The following MSRA variants were observed in gnomAD, a reference collection of about 807,000 sequenced individuals.
MSRA encodes methionine sulfoxide reductase A, also known as mitochondrial peptide methionine sulfoxide reductase.
A neutral mutation model predicts 31.3 loss-of-function variants in MSRA; 54 were observed. The ratio of observed to expected loss-of-function variants is 1.73; its 90% CI spans 1.39 to 2.17. The LOEUF is 2.17. MSRA is among the 30% of genes most tolerant of loss of function. The probability of loss-of-function intolerance (pLI) is 0.00; values close to 1 mark genes in which losing one functional copy is unlikely to be tolerated. For synonymous variants in MSRA, 169 were observed against 116.5 expected, an observed-to-expected ratio of 1.45 and a Z score of -2.90; for missense variants, 507 against 300.9, an observed-to-expected ratio of 1.69 and a Z score of -5.07.
At chr8:10,317,127 T>A (rs1302907244) in intron 4 of MSRA, among the ~76,000 whole-genome samples, 1 of 152,144 alleles carries the variant, frequency 6.6e-6, no homozygotes, top group East Asian at 1.9e-4. Context: ...GCTAATGAGA[T>A]TGCTCCCGCA....
chr8:10,235,610 A>T (rs926943260), intron 2 of MSRA, among the ~76,000 whole-genome samples: 2 of 152,190 alleles, frequency 1.3e-5, no homozygotes, highest in African/African-American at 4.8e-5. Flanking sequence ...TTGCTCTGCA[A>T]CGAAAACCTC....
chr8:10,259,418 C>T (rs185859371), intron 3 of MSRA, among the ~76,000 whole-genome samples: 42 of 152,214 alleles, frequency 2.8e-4, no homozygotes, highest in African/African-American at 9.6e-4. Flanking sequence ...GAACACTGCT[C>T]ATAATTAGAG....
At chr8:10,331,878 G>A (rs962518056) in intron 5 of MSRA, among the ~76,000 whole-genome samples, 14 of 152,010 alleles carry the variant, frequency 9.2e-5, no homozygotes, top group African/African-American at 3.4e-4. Context: ...TTGTTGTATT[G>A]TTTTTATTCA....
intron 5 of MSRA, among the ~76,000 whole-genome samples, chr8:10,334,391 C>T (rs915749442): frequency 3.9e-5 from 6 of 151,978 alleles, no homozygotes; most frequent in Admixed American, 3.9e-4. Context: ...GGTTCAGCCT[C>T]TATAAAGTGG....
intron 5 of MSRA, among the ~76,000 whole-genome samples, chr8:10,333,958 C>T (rs1308257672): frequency 2.0e-5 from 3 of 152,210 alleles, no homozygotes; most frequent in Admixed American, 1.3e-4. Context: ...CATTCTCCAA[C>T]ACATTCAGAG....
At position 10,079,570 on chromosome 8, in the gene MSRA, A is replaced by C. The variant is rs570617907; in HGVS notation, c.142+24912A>C. ...TAGAAATGAATAGCTCCCTTATTAA[A>C]ACTGACTGGTCTTAAGTGTCACATC... is the stretch of plus-strand genomic sequence containing the variant. On this transcript the variant is annotated intron_variant, in intron 1 of 5. Transcript: ENST00000317173. Among the ~76,000 whole-genome samples, 16 of 152,316 alleles carry C rather than the reference A, an allele frequency of 1.1e-4. No individual in the cohort carries two copies. In the East Asian group the frequency reaches 2.9e-3, roughly 28 times the overall value.
At chr8:10,323,051 C>G (rs1449507949) in intron 5 of MSRA, among the ~76,000 whole-genome samples, 1 of 135,824 alleles carries the variant, frequency 7.4e-6, no homozygotes, top group East Asian at 2.4e-4. Flanking sequence ...GATTGCATTA[C>G]TAAACTCCAG....
chr8:10,218,566 A>G (rs1810209668), intron 2 of MSRA, among the ~76,000 whole-genome samples: 1 of 152,194 alleles, frequency 6.6e-6, no homozygotes, highest in Admixed American at 6.5e-5. Flanking sequence ...GAGCTGAAAT[A>G]TTTCTATAAA....
intron 1 of MSRA, among the ~76,000 whole-genome samples, chr8:10,081,560 G>T (rs892752346): frequency 2.6e-5 from 4 of 152,158 alleles, no homozygotes; most frequent in Admixed American, 2.0e-4. Flanking sequence ...CGTGATCTCA[G>T]TTCACTGCAA....
chr8:10,266,459 A>G (rs1363006766), intron 3 of MSRA, among the ~76,000 whole-genome samples: 3 of 152,216 alleles, frequency 2.0e-5, no homozygotes, highest in Non-Finnish European at 4.4e-5. Flanking sequence ...TAATTTTGAC[A>G]GCTCTTGATA....
At chr8:10,380,872 T>A (rs1052291153) in intron 5 of MSRA, among the ~76,000 whole-genome samples, 2 of 129,052 alleles carry the variant, frequency 1.5e-5, no homozygotes, top group African/African-American at 3.0e-5. Context: ...GATGGCTGGA[T>A]GGGTGGGTGG....
intron 5 of MSRA, among the ~76,000 whole-genome samples, chr8:10,400,376 TG>T (rs891274207): frequency 3.3e-4 from 9 of 27,516 alleles, no homozygotes; most frequent in Non-Finnish European, 1.0e-3. Context: ...TGTGTGTGTG[TG>T]TGTGTGTAGT....
At chr8:10,340,361 A>G (rs754461780) in intron 5 of MSRA, among the ~76,000 whole-genome samples, 3 of 152,200 alleles carry the variant, frequency 2.0e-5, no homozygotes, top group Non-Finnish European at 4.4e-5. Context: ...TGAGCCATCA[A>G]ATTAGGAGTT....
chr8:10,129,582 A>T (rs1801749747), intron 1 of MSRA, among the ~76,000 whole-genome samples: 1 of 152,148 alleles, frequency 6.6e-6, no homozygotes. Context: ...GCTCAGGAGG[A>T]GGCCTGATTC....
intron 5 of MSRA, among the ~76,000 whole-genome samples, chr8:10,372,190 C>T (rs932541105): frequency 4.6e-5 from 7 of 152,160 alleles, no homozygotes; most frequent in South Asian, 2.1e-4. Context: ...CTACACTACT[C>T]GGGGCTTTCA....
At chr8:10,125,749 G>A (rs1801454549) in intron 1 of MSRA, among the ~76,000 whole-genome samples, 1 of 152,196 alleles carries the variant, frequency 6.6e-6, no homozygotes, top group African/African-American at 2.4e-5. Flanking sequence ...GGTCCACAAA[G>A]GTATTGCACA....
intron 5 of MSRA, among the ~76,000 whole-genome samples, chr8:10,405,910 C>T (rs563364220): frequency 4.0e-5 from 6 of 151,506 alleles, no homozygotes; most frequent in African/African-American, 1.2e-4. Context: ...GCTGTACTCA[C>T]AGTGCACACA....
intron 3 of MSRA, among the ~76,000 whole-genome samples, chr8:10,290,580 C>T (rs1800179766): frequency 6.6e-6 from 1 of 152,188 alleles, no homozygotes; most frequent in African/African-American, 2.4e-5. Context: ...AGGCCTGCCC[C>T]CAGCTCTCCT....
chr8:10,199,217 C>T (rs1043319234), intron 1 of MSRA, among the ~76,000 whole-genome samples: 1 of 152,114 alleles, frequency 6.6e-6, no homozygotes, highest in Admixed American at 6.5e-5. Flanking sequence ...GGGGATCCCT[C>T]TGATCACCTT....
Sources: gnomAD v4.1 joint callset for allele counts (sites outside exome capture counted in the v4.1 genomes callset) on GRCh38, gnomAD v4.1.1 for gene constraint, MANE v1.5 for transcripts, NCBI Gene and HGNC (gene_info 2026-07-23, HGNC 2026-07-21) for gene names.